Variants in ACACA observed in about 807,000 individuals in gnomAD.
The protein encoded by ACACA is acetyl-CoA carboxylase alpha.
In ACACA, 103 loss-of-function variants were observed where a neutral mutation model predicts 296.1. The ratio of observed to expected loss-of-function variants is 0.35; its 90% CI spans 0.30 to 0.41. ACACA has a LOEUF of 0.41. Among genes scored for constraint, ACACA ranks in the 10% least tolerant of loss-of-function variants. ACACA has a pLI of 1.00. For synonymous variants in ACACA, 953 were observed against 1,038.6 expected (o/e 0.92, Z 1.58); for missense variants, 1,554 against 2,989.7 (o/e 0.52, Z 11.20).
At chr17:37,382,590 G>A (rs1000118931) in intron 1 of ACACA, among the ~76,000 whole-genome samples, 26 of 151,958 alleles carry the variant, frequency 1.7e-4, no homozygotes, top group Admixed American at 8.5e-4. Flanking sequence ...CGTCAGGTGC[G>A]GTGGCTCACG....
intron 39 of ACACA, among the ~76,000 whole-genome samples, chr17:37,187,695 G>A (rs2077590737): frequency 6.6e-6 from 1 of 152,092 alleles, no homozygotes; most frequent in African/African-American, 2.4e-5. Flanking sequence ...TATAATATAT[G>A]ACACCCTGAA....
intron 42 of ACACA, among the ~76,000 whole-genome samples, chr17:37,156,623 T>G (rs1001089073): frequency 7.9e-5 from 12 of 152,236 alleles, no homozygotes; most frequent in African/African-American, 2.9e-4. Context: ...AAACAACTCC[T>G]AATGCCCATT....
intron 30 of ACACA, among the ~76,000 whole-genome samples, chr17:37,208,705 C>G (rs1385923600): frequency 1.3e-5 from 2 of 152,136 alleles, no homozygotes; most frequent in Non-Finnish European, 1.5e-5. Context: ...CTTGATGTAC[C>G]TTAACAGTAT....
intron 1 of ACACA, among the ~76,000 whole-genome samples, chr17:37,353,637 T>TAAAAAA (rs1169088763): frequency 1.9e-4 from 11 of 56,664 alleles, no homozygotes; most frequent in Admixed American, 2.9e-4. Context: ...AGACTCCGTC[T>TAAAAAA]AAAAAAAAAA....
intron 26 of ACACA, 24 bp downstream of exon 26, chr17:37,226,315 A>G: frequency 6.3e-7 from 1 of 1,585,412 alleles, no homozygotes; most frequent in Non-Finnish European, 8.7e-7. Flanking sequence ...TCCCTCCTTT[A>G]AGAAAACCAA....
chr17:37,244,844 C>T (rs2080613788), intron 20 of ACACA, 110 bp from the exon 21 acceptor site: 1 of 1,482,538 alleles, frequency 6.7e-7, no homozygotes, highest in Non-Finnish European at 9.4e-7. Flanking sequence ...TACCCAGCTA[C>T]CAGGAGGGAA....
chr17:37,283,141 T>C, intron 5 of ACACA, 126 bp downstream of exon 5: 1 of 1,170,566 alleles, frequency 8.5e-7, no homozygotes. Flanking sequence ...GAAATTATTT[T>C]AAAAGGATTT....
intron 29 of ACACA, among the ~76,000 whole-genome samples, chr17:37,218,440 C>G (rs992261586): frequency 6.6e-6 from 1 of 152,058 alleles, no homozygotes; most frequent in African/African-American, 2.4e-5. Flanking sequence ...TTTCTTTTTA[C>G]TTTTAAATGT....
chr17:37,193,315 C>A (rs1350967801), intron 36 of ACACA, 59 bp downstream of exon 36: 4 of 1,332,704 alleles, frequency 3.0e-6, no homozygotes, highest in South Asian at 1.2e-5. Context: ...ATAAGCCGCT[C>A]TTGGGCTTTT....
intron 45 of ACACA, among the ~76,000 whole-genome samples, chr17:37,137,169 A>C (rs2143690422): frequency 6.6e-6 from 1 of 152,268 alleles, no homozygotes; most frequent in South Asian, 2.1e-4. Flanking sequence ...TTTGGATACC[A>C]ATCTTTTATC....
chr17:37,110,475 T>C (rs2073920592), intron 52 of ACACA, among the ~76,000 whole-genome samples: 1 of 152,216 alleles, frequency 6.6e-6, no homozygotes, highest in South Asian at 2.1e-4. Flanking sequence ...TGTGGTGAGT[T>C]AGAGTTATTG....
intron 1 of ACACA, among the ~76,000 whole-genome samples, chr17:37,346,574 C>T (rs1363841223): frequency 6.6e-5 from 10 of 151,510 alleles, no homozygotes; most frequent in Middle Eastern, 3.4e-3. Context: ...TGGTGGCGGG[C>T]GCCTGTAGTC....
In ACACA at chr17:37,117,939, A is replaced by C. The variant is rs138332732; in HGVS notation, c.6274+3416T>G. ...GTGTTTGTGTGCACTGAGGGATGGC[A>C]TAATTGTTTATTTTCCCTCCCTGCA... On this transcript the variant is annotated intron_variant, in intron 50 of 55. Transcript: ENST00000616317. Among the ~76,000 whole-genome samples, 569 of 152,248 alleles carry C rather than the reference A, an allele frequency of 3.7e-3. 3 individuals carry two copies. Among genetic ancestry groups the C allele is most frequent in the Non-Finnish European group, 6.4e-3 (436 of 68,012 alleles).
At chr17:37,200,632 G>T in intron 33 of ACACA, 149 bp from the exon 34 acceptor site, 1 of 741,064 alleles carries the variant, frequency 1.3e-6, no homozygotes, top group South Asian at 1.5e-5. Flanking sequence ...ACTTGCAAGT[G>T]AACAAATTTC....
chr17:37,405,696 G>A (rs1245118631), intron 1 of ACACA, among the ~76,000 whole-genome samples: 1 of 151,976 alleles, frequency 6.6e-6, no homozygotes, highest in East Asian at 1.9e-4. Flanking sequence ...GGGATTACAG[G>A]TGCCTGCCAC....
At chr17:37,149,100 A>G (rs1470099693) in intron 45 of ACACA, among the ~76,000 whole-genome samples, 2 of 152,192 alleles carry the variant, frequency 1.3e-5, no homozygotes, top group African/African-American at 4.8e-5. Context: ...ATTCTTGGAT[A>G]GTTTTCACTC....
intron 3 of ACACA, among the ~76,000 whole-genome samples, chr17:37,301,184 C>T (rs141617876): frequency 3.9e-4 from 59 of 152,236 alleles, no homozygotes; most frequent in Middle Eastern, 3.4e-3. Flanking sequence ...GATCTTTCTA[C>T]GACAACCAAA....
chr17:37,198,750 A>G (rs540912437), intron 35 of ACACA, among the ~76,000 whole-genome samples: 6 of 152,202 alleles, frequency 3.9e-5, no homozygotes, highest in Non-Finnish European at 8.8e-5. Context: ...TTGTTTCTCT[A>G]TAGACTAGAC....
chr17:37,101,398 G>A (rs1453551975), intron 52 of ACACA, among the ~76,000 whole-genome samples: 2 of 152,148 alleles, frequency 1.3e-5, no homozygotes, highest in African/African-American at 2.4e-5. Context: ...ACCATTCTAA[G>A]TGCTTTATAT....
Sources: gnomAD v4.1 joint callset for allele counts (sites outside exome capture counted in the v4.1 genomes callset) on GRCh38, gnomAD v4.1.1 for gene constraint, MANE v1.5 for transcripts, NCBI Gene and HGNC (gene_info 2026-07-23, HGNC 2026-07-21) for gene names.